Variants in RYR1 observed in about 807,000 individuals in gnomAD.
The protein encoded by RYR1 is ryanodine receptor 1, also known as central core disease of muscle.
A neutral mutation model predicts 583.5 loss-of-function variants in RYR1; 342 were observed. The observed-to-expected ratio is 0.59, with a 90% CI of 0.54 to 0.64. The LOEUF is 0.64. RYR1 is among the 30% of genes least tolerant of loss of function. RYR1 has a pLI of 0.00. For synonymous variants in RYR1, 2,791 were observed against 2,822.5 expected, an observed-to-expected ratio of 0.99 and a Z score of 0.35; for missense variants, 6,032 against 6,917.2, an observed-to-expected ratio of 0.87 and a Z score of 4.54.
In RYR1 at chr19:38,502,494, C is replaced by A. The variant is rs1331219827; in HGVS notation, c.7615-13C>A. 5 of 1,602,096 alleles carry A rather than the reference C, an allele frequency of 3.1e-6. No individual in the cohort carries two copies. The South Asian group carries it at 4.5e-5, about 14-fold the overall frequency. ...GTGTGCAGCGGGCCTGATGTCCTCA[C>A]CCTGCGCCCTAGGCCACTTTCAGCA... On this transcript the variant is annotated splice_polypyrimidine_tract_variant and intron_variant, in intron 47 of 105. Coordinates refer to ENST00000359596, the MANE Select transcript of RYR1 (RefSeq NM_000540.3).
At chr19:38,495,915 A>G (rs1251498758) in intron 39 of RYR1, among the ~76,000 whole-genome samples, 1 of 152,012 alleles carries the variant, frequency 6.6e-6, no homozygotes, top group Non-Finnish European at 1.5e-5. Flanking sequence ...GGTATGCGCC[A>G]CCACGCCTGG....
chr19:38,565,777 A>G lies in RYR1; in HGVS notation c.13437+6A>G. The G allele has an allele frequency of 7.2e-7, 1 of 1,388,422 alleles. No individual in the cohort carries two copies. The allele number at this position is 1,388,422 out of a possible 1,614,324, so 86.0% of individuals were successfully genotyped here. ...TCCTCAAGAGGAAATTGGGGGTGAG[A>G]GAGCAGGCGGGGTTTTGGGGTTTTG... is the stretch of plus-strand genomic sequence containing the variant. On this transcript the variant is annotated splice_donor_region_variant and intron_variant, in intron 91 of 105. Coordinates refer to ENST00000359596, the MANE Select transcript of RYR1 (RefSeq NM_000540.3). This position sits in a 1 kb window ranked among gnomAD's most constrained non-coding sequence, Gnocchi z 4.7.
Position 38,564,807 on chromosome 19 carries a change from G to A in RYR1, c.12625-152G>A, listed in dbSNP as rs573087940. 49 of 1,360,500 alleles carry A rather than the reference G, an allele frequency of 3.6e-5. No homozygotes were observed. In the South Asian group the frequency reaches 5.5e-4, roughly 15 times the overall value. The allele number at this position is 1,360,500 out of a possible 1,614,324, so 84.3% of individuals were successfully genotyped here. Reference sequence around the variant, plus strand: ...CTATGATTACAGGCGGAGCCACCGCGCCCAGCCTGACCCTGTCTCAAAAAC... The same window carrying A: ...CTATGATTACAGGCGGAGCCACCGCACCCAGCCTGACCCTGTCTCAAAAAC... On this transcript the variant is annotated intron_variant, in intron 90 of 105. Transcript: ENST00000359596.
At chr19:38,443,891 T>TA in intron 5 of RYR1, 95 bp downstream of exon 5, 1 of 1,162,390 alleles carries the variant, frequency 8.6e-7, no homozygotes, top group Non-Finnish European at 1.3e-6. Flanking sequence ...AGCATGAGAC[T>TA]ACCCTGGGGA....
intron 53 of RYR1, 102 bp downstream of exon 53, chr19:38,505,500 G>T: frequency 1.1e-6 from 1 of 893,062 alleles, no homozygotes; most frequent in Non-Finnish European, 1.8e-6. Flanking sequence ...CATCTAGGTG[G>T]ATCTGTGGGT....
At chr19:38,467,453 G>T (rs1968169326) in intron 24 of RYR1, among the ~76,000 whole-genome samples, 157 bp from the exon 25 acceptor site, 1 of 152,032 alleles carries the variant, frequency 6.6e-6, no homozygotes, top group South Asian at 2.1e-4. Flanking sequence ...CTTTTCTGAG[G>T]TTCCCCAATT....
At chr19:38,509,461 T>A (rs1452195001) in intron 58 of RYR1, among the ~76,000 whole-genome samples, 6 of 147,340 alleles carry the variant, frequency 4.1e-5, no homozygotes, top group South Asian at 2.1e-4. Flanking sequence ...TTTTTTTTTT[T>A]TTTTTTTTTG....
chr19:38,549,902 T>TGA (rs1168421599), intron 89 of RYR1, among the ~76,000 whole-genome samples: 2 of 150,014 alleles, frequency 1.3e-5, no homozygotes, highest in Non-Finnish European at 3.0e-5. Flanking sequence ...TGTGTGTGTG[T>TGA]GTGTGTGTGT....
chr19:38,552,458 G>A (rs1397028004), intron 89 of RYR1, among the ~76,000 whole-genome samples: 7 of 152,058 alleles, frequency 4.6e-5, no homozygotes, highest in African/African-American at 1.7e-4. Flanking sequence ...TCACCATGTT[G>A]GCCAAGGTGG....
chr19:38,480,607 AAAC>A (rs960854962), intron 31 of RYR1, among the ~76,000 whole-genome samples: 3 of 152,352 alleles, frequency 2.0e-5, no homozygotes, highest in Admixed American at 6.5e-5. Context: ...AAAGAAAAAA[AAAC>A]AATAGTTTCT....
chr19:38,523,604 C>T (rs1226562889), intron 69 of RYR1: 1 of 604,042 alleles, frequency 1.7e-6, no homozygotes, highest in Non-Finnish European at 2.9e-6. Context: ...CTCCATTTTC[C>T]TCTTCTCCAA....
intron 27 of RYR1, among the ~76,000 whole-genome samples, chr19:38,471,887 G>A (rs547308928): frequency 1.5e-4 from 20 of 135,792 alleles, no homozygotes; most frequent in African/African-American, 4.6e-4. Context: ...GGGTGACAGC[G>A]AGACTCTGTC....
chr19:38,501,122 C>A, intron 47 of RYR1, 132 bp downstream of exon 47: 1 of 837,564 alleles, frequency 1.2e-6, no homozygotes, highest in Non-Finnish European at 1.9e-6. Context: ...CCAATACCAT[C>A]ATCAAGATAG....
chr19:38,473,954 C>T (rs1421834123), intron 28 of RYR1, among the ~76,000 whole-genome samples, 183 bp downstream of exon 28: 1 of 152,150 alleles, frequency 6.6e-6, no homozygotes, highest in Non-Finnish European at 1.5e-5. Flanking sequence ...CTGGGATGCC[C>T]TAATGTCCCC....
In RYR1 at chr19:38,489,187, T is replaced by C. The variant is rs1321654355; in HGVS notation, c.5558T>C (p.Ile1853Thr). ...GACTTTGTCCTGTAGGTGATGGGCA[T>C]CTTTGGCGATGAGGATGTGAAACAG... ...KLVSTLLVMGIFGDEDVKQIL... is the reference protein window; with the variant it reads ...KLVSTLLVMGTFGDEDVKQIL... Residue 1853 changes from isoleucine (I) to threonine (T), a missense_variant, in exon 35 of 106, where the codon ATC (isoleucine) becomes ACC (threonine). Physicochemically the swap from Ile to Thr is moderately conservative, Grantham distance 89. Around this residue, in one of 11 missense-constraint regions of RYR1, gnomAD observed 2,627 missense variants for 2,961.3 expected, o/e 0.89. Transcript: ENST00000359596. The C allele has an allele frequency of 6.2e-7, 1 of 1,614,056 alleles. No individual in the cohort carries two copies. The highest frequency in any genetic ancestry group is 8.5e-7 in the Non-Finnish European group (1 of 1,180,008).
intron 21 of RYR1, 91 bp from the exon 22 acceptor site, chr19:38,463,656 A>G: frequency 6.8e-7 from 1 of 1,474,218 alleles, no homozygotes. Context: ...GGGTGGCAGA[A>G]CTAGGGTTGG....
At chr19:38,573,940 G>A (rs962838660) in intron 96 of RYR1, among the ~76,000 whole-genome samples, 1 of 151,882 alleles carries the variant, frequency 6.6e-6, no homozygotes, top group African/African-American at 2.4e-5. Flanking sequence ...GGTGCAATGA[G>A]TGCAAAATAA....
At chr19:38,587,259 T>C in intron 105 of RYR1, 66 bp from the exon 106 acceptor site, 1 of 1,037,518 alleles carries the variant, frequency 9.6e-7, no homozygotes, top group South Asian at 1.3e-5. Context: ...TCTAAAAATA[T>C]ATATATATAT....
Position 38,466,501 on chromosome 19 carries a change from C to CTT in RYR1, c.3178+123_3178+124dup, listed in dbSNP as rs869097541. 2,728 of 639,262 alleles carry CTT rather than the reference C, an allele frequency of 4.3e-3. 52 individuals carry two copies. Among genetic ancestry groups the CTT allele is most frequent in the African/African-American group, 0.029 (1,400 of 47,758 alleles). 39.6% of individuals were successfully genotyped at this position (639,262 alleles called of 1,614,324 possible). Reference sequence around the variant, plus strand: ...GACTCAGCCCCCAAATGGGCTATATCTTTTTTTTTTTTTTTTTTTTTGAGA... The same window carrying CTT: ...GACTCAGCCCCCAAATGGGCTATATCTTTTTTTTTTTTTTTTTTTTTTTGAGA... On this transcript the variant is annotated intron_variant, in intron 24 of 105. Transcript: ENST00000359596.
Sources: gnomAD v4.1 joint callset for allele counts (sites outside exome capture counted in the v4.1 genomes callset) on GRCh38, gnomAD v4.1.1 for gene constraint, gnomAD v4.1.1 regional missense constraint, Gnocchi (gnomAD v3.1) non-coding constraint, MANE v1.5 for transcripts, NCBI Gene and HGNC (gene_info 2026-07-23, HGNC 2026-07-21) for gene names.